RERE: variants seen among roughly 807,000 people sequenced by gnomAD.
RERE encodes arginine-glutamic acid dipeptide repeats protein.
A neutral mutation model predicts 146.1 loss-of-function variants in RERE; 40 were observed. The ratio of observed to expected loss-of-function variants is 0.27; its 90% CI spans 0.21 to 0.36. RERE has a LOEUF of 0.36. Ranked by LOEUF, RERE falls within the 10% of genes least tolerant of loss-of-function variation. RERE has a pLI of 1.00. For missense variants in RERE, 1,933 were observed against 2,138.7 expected (o/e 0.90, Z 1.90); for synonymous variants, 1,003 against 866.0 (o/e 1.16, Z -2.78).
At chr1:8,639,674 A>G (rs1647150188) in intron 2 of RERE, among the ~76,000 whole-genome samples, 1 of 152,242 alleles carries the variant, frequency 6.6e-6, no homozygotes, top group African/African-American at 2.4e-5. Context: ...AATAGTGGTA[A>G]TTAAACTACT....
chr1:8,523,660 C>CATAAGAAGTA (rs1557671575), intron 7 of RERE, among the ~76,000 whole-genome samples: 2 of 152,130 alleles, frequency 1.3e-5, no homozygotes, highest in East Asian at 3.9e-4. Flanking sequence ...ATACATACCA[C>CATAAGAAGTA]ACTCATTAGA....
rs536222990 is a variant in RERE, at chr1:8,356,006, G to T, written c.4486+94C>A. On this transcript the variant is annotated intron_variant, in intron 21 of 22. Transcript: ENST00000400908. The surrounding 1 kb of genome is among the most constrained non-coding windows in gnomAD (Gnocchi z 5.2). ...GAGCGAACCCACCTGCTCAATGCATGAATGAATGAATGAGTAATGAATGAA... is the reference window on the plus strand; with the variant it reads ...GAGCGAACCCACCTGCTCAATGCATTAATGAATGAATGAGTAATGAATGAA... 49 of 1,305,430 alleles carry T rather than the reference G, an allele frequency of 3.8e-5. No homozygotes were observed. The African/African-American group carries it at 7.3e-4, about 19-fold the overall frequency. 80.9% of individuals were successfully genotyped at this position (1,305,430 alleles called of 1,614,324 possible).
chr1:8,737,093 G>A (rs969444622), intron 1 of RERE, among the ~76,000 whole-genome samples: 2 of 152,162 alleles, frequency 1.3e-5, no homozygotes, highest in Non-Finnish European at 2.9e-5. Flanking sequence ...TTTCAGCCAA[G>A]GGACTTCCTC....
intron 1 of RERE, among the ~76,000 whole-genome samples, chr1:8,687,440 A>G (rs568342451): frequency 8.5e-5 from 13 of 152,358 alleles, no homozygotes; most frequent in African/African-American, 9.6e-5. Flanking sequence ...AAGAAACTGC[A>G]TAAGTGAATG....
chr1:8,411,964 A>G (rs1643629099), intron 12 of RERE, among the ~76,000 whole-genome samples: 1 of 152,218 alleles, frequency 6.6e-6, no homozygotes, highest in Non-Finnish European at 1.5e-5. Context: ...CGACAACTTA[A>G]GGCCACAAAC....
chr1:8,681,032 G>C (rs1638953009), intron 1 of RERE, among the ~76,000 whole-genome samples: 1 of 152,204 alleles, frequency 6.6e-6, no homozygotes, highest in South Asian at 2.1e-4. Flanking sequence ...CGGAGAATGG[G>C]AGTCAGAAAG....
At chr1:8,449,489 C>T (rs1644365471) in intron 11 of RERE, among the ~76,000 whole-genome samples, 1 of 152,160 alleles carries the variant, frequency 6.6e-6, no homozygotes, top group Non-Finnish European at 1.5e-5. Flanking sequence ...TCTAATCTTT[C>T]CCCCAATCCA....
rs529039584 is a variant in RERE, at chr1:8,786,665, C to T, written c.-145+30495G>A. The T allele has an allele frequency of 1.8e-5, 14 of 782,414 alleles. No homozygotes were observed. In the South Asian group the frequency reaches 1.9e-4, roughly 10 times the overall value. 48.5% of individuals were successfully genotyped at this position (782,414 alleles called of 1,614,324 possible). On this transcript the variant is annotated intron_variant, in intron 1 of 22. Transcript: ENST00000400908. ...CCATTGGCACCTCTGGTCCTGATGA[C>T]AAAGGCCAATTTGGGTTCTGCAGGT...
intron 10 of RERE, among the ~76,000 whole-genome samples, chr1:8,490,760 T>C (rs1158020586): frequency 4.0e-5 from 6 of 150,328 alleles, no homozygotes; most frequent in African/African-American, 2.5e-5. Context: ...AAAAAAAACA[T>C]TGAAAACACG....
At chr1:8,385,616 A>G (rs1369702099) in intron 12 of RERE, among the ~76,000 whole-genome samples, 1 of 152,080 alleles carries the variant, frequency 6.6e-6, no homozygotes, top group Non-Finnish European at 1.5e-5. Flanking sequence ...CAATGTAACA[A>G]AACACAACCA....
chr1:8,545,557 A>T (rs1261922353), intron 6 of RERE, among the ~76,000 whole-genome samples: 5 of 152,216 alleles, frequency 3.3e-5, no homozygotes, highest in African/African-American at 1.2e-4. Context: ...ACTCAGGACA[A>T]CGTGCACGAG....
intron 1 of RERE, among the ~76,000 whole-genome samples, chr1:8,746,044 T>C (rs1284297993): frequency 6.6e-6 from 1 of 152,244 alleles, no homozygotes; most frequent in Non-Finnish European, 1.5e-5. Context: ...CAGCCTGGGC[T>C]GCTGAGCAAG....
chr1:8,808,403 A>G (rs1641730763), intron 1 of RERE, among the ~76,000 whole-genome samples: 1 of 152,208 alleles, frequency 6.6e-6, no homozygotes, highest in Non-Finnish European at 1.5e-5. Flanking sequence ...AACAACAAAG[A>G]GAACATACTG....
intron 12 of RERE, among the ~76,000 whole-genome samples, chr1:8,388,521 T>G (rs563997661): frequency 7.8e-4 from 119 of 152,078 alleles, no homozygotes; most frequent in Middle Eastern, 6.8e-3. Context: ...GGGTTTCACC[T>G]TGTTAGCCAG....
chr1:8,361,065 C>T lies in RERE; in HGVS notation c.2442G>A (p.Pro814=), dbSNP rs1012688570. The T allele has an allele frequency of 1.3e-4, 182 of 1,433,152 alleles. No individual in the cohort carries two copies. The highest frequency in any genetic ancestry group is 1.8e-4 in the Admixed American group (6 of 34,016). 88.8% of individuals were successfully genotyped at this position (1,433,152 alleles called of 1,614,324 possible). A position where few individuals can be genotyped will look rare whatever the true frequency, so the allele number is the denominator to read the frequency against. ...PALHPQRPPS[P]HPPPHPSPHP... Reference sequence around the variant, plus strand: ...GTGGCGAGGGATGCGGCGGGGGATGCGGTGAGGGCGGCCGCTGGGGGTGCA... The same window carrying T: ...GTGGCGAGGGATGCGGCGGGGGATGTGGTGAGGGCGGCCGCTGGGGGTGCA... Residue 814 remains proline (P), a synonymous_variant, in exon 18 of 23, where the codon CCG becomes CCA. Transcript: ENST00000400908.
chr1:8,529,287 C>CTTTTTTTTTT lies in RERE; in HGVS notation c.830+11917_830+11926dup, dbSNP rs34547801. Among the ~76,000 whole-genome samples, 972 of 102,368 alleles carry CTTTTTTTTTT rather than the reference C, an allele frequency of 9.5e-3. 28 individuals are homozygous for CTTTTTTTTTT. The highest frequency in any genetic ancestry group is 0.01 in the African/African-American group (273 of 26,032). 67.2% of individuals were successfully genotyped at this position (102,368 alleles called of 152,430 possible). ...CCTCCACAACCATCAGTTCTCCCTT[C>CTTTTTTTTTT]TTTTTTTTTTTTTTTTTTTTGAGAT... On this transcript the variant is annotated intron_variant, in intron 7 of 22. Coordinates refer to ENST00000400908, the MANE Select transcript of RERE (RefSeq NM_001042681.2).
intron 1 of RERE, among the ~76,000 whole-genome samples, chr1:8,752,476 A>G (rs1640559009): frequency 2.6e-5 from 4 of 152,228 alleles, no homozygotes. Context: ...AGAGACTATC[A>G]AAATGATAAA....
At chr1:8,467,653 CT>C (rs966069139) in intron 10 of RERE, among the ~76,000 whole-genome samples, 1 of 151,398 alleles carries the variant, frequency 6.6e-6, no homozygotes, top group East Asian at 1.9e-4. Context: ...TTATTTTTTT[CT>C]TTTTTTTTGA....
chr1:8,375,946 C>A (rs1010884329), intron 12 of RERE, among the ~76,000 whole-genome samples: 2 of 152,192 alleles, frequency 1.3e-5, no homozygotes, highest in Admixed American at 6.5e-5. Context: ...TATACTTTAT[C>A]TTCATCTTTA....
Sources: gnomAD v4.1 joint callset for allele counts (sites outside exome capture counted in the v4.1 genomes callset) on GRCh38, gnomAD v4.1.1 for gene constraint, Gnocchi (gnomAD v3.1) non-coding constraint, MANE v1.5 for transcripts, NCBI Gene and HGNC (gene_info 2026-07-23, HGNC 2026-07-21) for gene names.